RGS7: variants seen among roughly 807,000 people sequenced by gnomAD.
RGS7 encodes the protein regulator of G-protein signaling 7.
A neutral mutation model predicts 81.1 loss-of-function variants in RGS7; 27 were observed. That is an observed-to-expected ratio of 0.33 (90% CI 0.25 to 0.46). RGS7 has a LOEUF of 0.46. Among genes scored for constraint, RGS7 ranks in the 20% least tolerant of loss-of-function variants. The pLI is 1.00. For synonymous variants in RGS7, 208 were observed against 207.7 expected (o/e 1.00, Z -0.01); for missense variants, 396 against 607.4 (o/e 0.65, Z 3.66).
chr1:241,032,652 A>G (rs1032678227), intron 3 of RGS7, among the ~76,000 whole-genome samples: 2 of 152,022 alleles, frequency 1.3e-5, no homozygotes, highest in African/African-American at 4.8e-5. Flanking sequence ...TACTTGTGTC[A>G]ATTTCTTTCA....
Position 241,195,583 on chromosome 1 carries a change from T to G in RGS7, c.79-96821A>C, listed in dbSNP as rs186589414. 9.0e-4 allele frequency among the ~76,000 whole-genome samples: 137 copies of G among 152,312 alleles called. 1 individual carries two copies. Among genetic ancestry groups the G allele is most frequent in the African/African-American group, 3.0e-3 (124 of 41,572 alleles). The stretch of plus-strand genomic sequence containing the variant: ...GAGAAATGCAGTTGTTGTATTTATC[T>G]GATAGGACTTAAGATAACAGTGATT... On this transcript the variant is annotated intron_variant, in intron 2 of 18. Coordinates refer to ENST00000440928, the MANE Select transcript of RGS7 (RefSeq NM_001364886.1).
intron 2 of RGS7, among the ~76,000 whole-genome samples, chr1:241,165,235 G>A (rs186162178): frequency 5.3e-5 from 8 of 152,242 alleles, no homozygotes; most frequent in Non-Finnish European, 1.0e-4. Context: ...TTAAACTACC[G>A]ATTTAATAAT....
chr1:240,811,994 C>T lies in RGS7; in HGVS notation c.1006G>A (p.Glu336Lys), dbSNP rs1181998043. ...RVKRWGFGMD[E>K]ALKDPVGREQ... ...CTCCCAACTGGGTCTTTCAATGCCT[C>T]GTCCATGCCAAAACCCCATCGTTTT... Residue 336 changes from glutamate to lysine, a missense_variant, in exon 14 of 19, where the codon GAG becomes AAG. Transcript: ENST00000440928. The T allele has an allele frequency of 2.5e-5, 41 of 1,614,094 alleles. No individual in the cohort carries two copies. The highest frequency in any genetic ancestry group is 3.2e-5 in the Non-Finnish European group (38 of 1,179,960).
chr1:241,052,369 G>T (rs1386119053), intron 3 of RGS7, among the ~76,000 whole-genome samples: 1 of 152,126 alleles, frequency 6.6e-6, no homozygotes, highest in Non-Finnish European at 1.5e-5. Flanking sequence ...GTTAACAGAT[G>T]AATACAAATA....
intron 4 of RGS7, among the ~76,000 whole-genome samples, chr1:240,947,996 C>A (rs1678931389): frequency 1.3e-5 from 2 of 152,214 alleles, no homozygotes; most frequent in Non-Finnish European, 2.9e-5. Flanking sequence ...GCTCAGAACC[C>A]TTCCTCCAGA....
rs76263025 is a variant in RGS7, at chr1:240,865,005, C to T, written c.609+3582G>A. On this transcript the variant is annotated intron_variant, in intron 9 of 18. Transcript: ENST00000440928. ...TTTTGCTACTCTCTGTTTCTTTTCA[C>T]GAAGAAAGCTGAAAATTTATTGTCT... is the stretch of plus-strand genomic sequence containing the variant. Among the ~76,000 whole-genome samples the T allele has an allele frequency of 7.1e-3, 1,073 of 151,646 alleles. 30 individuals are homozygous for T. The highest frequency in any genetic ancestry group is 0.046 in the East Asian group (239 of 5,146).
chr1:241,260,592 G>A (rs1319445158), intron 2 of RGS7, among the ~76,000 whole-genome samples: 4 of 152,068 alleles, frequency 2.6e-5, no homozygotes, highest in African/African-American at 9.7e-5. Flanking sequence ...TTTGTGTGTA[G>A]ACCTTGGATA....
At chr1:241,075,383 T>C (rs1419038350) in intron 3 of RGS7, among the ~76,000 whole-genome samples, 2 of 152,148 alleles carry the variant, frequency 1.3e-5, no homozygotes, top group African/African-American at 4.8e-5. Flanking sequence ...TAACCTTTTA[T>C]TAACCCTAAC....
At chr1:240,983,485 G>A (rs1366580657) in intron 3 of RGS7, among the ~76,000 whole-genome samples, 1 of 152,206 alleles carries the variant, frequency 6.6e-6, no homozygotes, top group Admixed American at 6.5e-5. Flanking sequence ...TTATAAGGTA[G>A]TTCCTGTCTC....
chr1:240,911,242 T>C lies in RGS7; in HGVS notation c.385+19475A>G, dbSNP rs1248844311. Reference sequence around the variant, plus strand: ...GGTTCTTTCTCTGTCTTTTTCCCCTTATCTATTCATCCATCCATCCATCTC... The same window carrying C: ...GGTTCTTTCTCTGTCTTTTTCCCCTCATCTATTCATCCATCCATCCATCTC... On this transcript the variant is annotated intron_variant, in intron 6 of 18. Coordinates refer to ENST00000440928, the MANE Select transcript of RGS7 (RefSeq NM_001364886.1). 3.3e-5 allele frequency among the ~76,000 whole-genome samples: 5 copies of C among 152,102 alleles called. No individual in the cohort carries two copies. In the East Asian group the frequency reaches 9.6e-4, roughly 29 times the overall value.
intron 3 of RGS7, among the ~76,000 whole-genome samples, chr1:241,013,208 G>T (rs185119344): frequency 8.5e-5 from 13 of 152,050 alleles, no homozygotes; most frequent in Non-Finnish European, 1.5e-4. Context: ...GATTACAGGT[G>T]TGCACCACCA....
intron 3 of RGS7, among the ~76,000 whole-genome samples, chr1:240,983,853 G>C (rs1201876219): frequency 6.6e-6 from 1 of 152,158 alleles, no homozygotes; most frequent in African/African-American, 2.4e-5. Flanking sequence ...TGATTATTTG[G>C]AGCATAGTAA....
At chr1:240,814,414 T>C (rs934624445) in intron 12 of RGS7, among the ~76,000 whole-genome samples, 1 of 152,230 alleles carries the variant, frequency 6.6e-6, no homozygotes, top group African/African-American at 2.4e-5. Context: ...GAAAGTTTCA[T>C]GTCTTCCAGC....
At chr1:241,354,026 T>G (rs1261624429) in intron 2 of RGS7, among the ~76,000 whole-genome samples, 1 of 152,178 alleles carries the variant, frequency 6.6e-6, no homozygotes, top group African/African-American at 2.4e-5. Flanking sequence ...ACTCAGTCCT[T>G]AATCTTTTAA....
At chr1:241,281,322 C>A (rs892286249) in intron 2 of RGS7, among the ~76,000 whole-genome samples, 9 of 152,192 alleles carry the variant, frequency 5.9e-5, no homozygotes, top group Non-Finnish European at 1.0e-4. Context: ...TTTGTAGCCA[C>A]CTTCTGTTGC....
chr1:241,316,516 G>A (rs1244304220), intron 2 of RGS7, among the ~76,000 whole-genome samples: 1 of 152,180 alleles, frequency 6.6e-6, no homozygotes, highest in Non-Finnish European at 1.5e-5. Context: ...CGGATTTGAG[G>A]AGCTGTATTC....
chr1:241,119,837 T>TA (rs1033607476), intron 2 of RGS7, among the ~76,000 whole-genome samples: 3 of 151,846 alleles, frequency 2.0e-5, no homozygotes, highest in East Asian at 1.9e-4. Flanking sequence ...TTTTTTCCAT[T>TA]AAAAAAAGGT....
chr1:241,040,721 C>T (rs2148765926), intron 3 of RGS7, among the ~76,000 whole-genome samples: 1 of 152,242 alleles, frequency 6.6e-6, no homozygotes, highest in East Asian at 1.9e-4. Context: ...AACTCCCAAC[C>T]TCAGGTGATC....
chr1:241,058,581 A>T (rs1370113890), intron 3 of RGS7, among the ~76,000 whole-genome samples: 7 of 152,244 alleles, frequency 4.6e-5, no homozygotes, highest in Admixed American at 3.3e-4. Flanking sequence ...TACCCGCCAC[A>T]GCTAACATAT....
Sources: gnomAD v4.1 joint callset for allele counts (sites outside exome capture counted in the v4.1 genomes callset) on GRCh38, gnomAD v4.1.1 for gene constraint, MANE v1.5 for transcripts, NCBI Gene and HGNC (gene_info 2026-07-23, HGNC 2026-07-21) for gene names.